Variants in DIP2B observed in about 807,000 individuals in gnomAD.
The protein encoded by DIP2B is disco-interacting protein 2 homolog B.
DIP2B carries 76 observed loss-of-function variants against 198.0 expected under a neutral mutation model. That is an observed-to-expected ratio of 0.38 (90% CI 0.32 to 0.46). The LOEUF is 0.46. Ranked by LOEUF, DIP2B falls within the 20% of genes least tolerant of loss-of-function variation. The pLI is 0.99. For missense variants in DIP2B, 1,559 were observed against 1,978.4 expected (o/e 0.79, Z 4.02); for synonymous variants, 701 against 739.1 (o/e 0.95, Z 0.84).
At chr12:50,629,944 T>A (rs1235762139) in intron 2 of DIP2B, among the ~76,000 whole-genome samples, 2 of 147,354 alleles carry the variant, frequency 1.4e-5, no homozygotes, top group Non-Finnish European at 3.0e-5. Context: ...TTTGGTAAAT[T>A]TAATTTTTTT....
At chr12:50,610,239 T>C (rs1405601098) in intron 1 of DIP2B, among the ~76,000 whole-genome samples, 1 of 152,228 alleles carries the variant, frequency 6.6e-6, no homozygotes, top group Non-Finnish European at 1.5e-5. Flanking sequence ...TGTGTGGTGA[T>C]ATTTGTTTGG....
At chr12:50,551,910 C>A (rs1448251050) in intron 1 of DIP2B, among the ~76,000 whole-genome samples, 1 of 152,138 alleles carries the variant, frequency 6.6e-6, no homozygotes, top group Non-Finnish European at 1.5e-5. Flanking sequence ...CCTTTCAGTT[C>A]TTTTGGATGT....
At chr12:50,521,094 GTTTTTTTTTTTT>G (rs386376482) in intron 1 of DIP2B, among the ~76,000 whole-genome samples, 2 of 94,332 alleles carry the variant, frequency 2.1e-5, no homozygotes, top group Admixed American at 1.4e-4. Context: ...TTCAGCAACA[GTTTTTTTTTTTT>G]TTTTTTTTTT....
At chr12:50,519,210 G>A (rs189568648) in intron 1 of DIP2B, among the ~76,000 whole-genome samples, 2 of 152,108 alleles carry the variant, frequency 1.3e-5, no homozygotes, top group East Asian at 3.9e-4. Context: ...ATATTTGGAG[G>A]GTTTCCTTCA....
chr12:50,532,637 GT>G (rs1958228743), intron 1 of DIP2B, among the ~76,000 whole-genome samples: 1 of 152,182 alleles, frequency 6.6e-6, no homozygotes, highest in Non-Finnish European at 1.5e-5. Context: ...AGTCACTGTG[GT>G]CAGTGACATG....
chr12:50,639,184 G>A lies in DIP2B; in HGVS notation c.173-1540G>A, dbSNP rs567613167. 7.9e-5 allele frequency among the ~76,000 whole-genome samples: 12 copies of A among 151,602 alleles called. No individual in the cohort carries two copies. In the South Asian group the frequency reaches 1.5e-3, roughly 18 times the overall value. ...GGCTCACTGCAACCTCTGCCTCCAG[G>A]TTCAAGTGATTCTCCTGCCTCAGCC... is the stretch of plus-strand genomic sequence containing the variant. On this transcript the variant is annotated intron_variant, in intron 2 of 37. Transcript: ENST00000301180.
intron 30 of DIP2B, among the ~76,000 whole-genome samples, chr12:50,730,551 T>TA (rs954708991): frequency 3.3e-5 from 5 of 151,942 alleles, no homozygotes; most frequent in Admixed American, 3.3e-4. Context: ...GGCTAATTGT[T>TA]AAAAAAATTT....
intron 3 of DIP2B, among the ~76,000 whole-genome samples, chr12:50,647,038 G>A (rs921881059): frequency 1.6e-5 from 2 of 128,210 alleles, no homozygotes; most frequent in Non-Finnish European, 3.2e-5. Flanking sequence ...TGTTTTTCTT[G>A]TTTGTCTTTT....
At chr12:50,669,052 A>AT (rs924867833) in intron 4 of DIP2B, among the ~76,000 whole-genome samples, 5 of 150,446 alleles carry the variant, frequency 3.3e-5, no homozygotes, top group Non-Finnish European at 5.9e-5. Context: ...CATTTTTTTC[A>AT]TTTTTTTGCC....
At chr12:50,523,301 A>G (rs544511880) in intron 1 of DIP2B, among the ~76,000 whole-genome samples, 2 of 152,270 alleles carry the variant, frequency 1.3e-5, no homozygotes, top group Admixed American at 6.5e-5. Context: ...TGAAAATACT[A>G]TGTCAATAGT....
At chr12:50,624,394 G>T (rs965912733) in intron 1 of DIP2B, among the ~76,000 whole-genome samples, 1 of 152,022 alleles carries the variant, frequency 6.6e-6, no homozygotes, top group Non-Finnish European at 1.5e-5. Flanking sequence ...GTGCAGTGGC[G>T]CGATCTCGGC....
In DIP2B at chr12:50,640,824, G is replaced by A; in HGVS notation, c.273G>A (p.Gly91=). 1 of 1,613,916 alleles carries A rather than the reference G, an allele frequency of 6.2e-7. No individual in the cohort carries two copies. Residue 91 remains glycine (G), a synonymous_variant, in exon 3 of 38, where the codon GGG becomes GGA. Coordinates refer to ENST00000301180, the MANE Select transcript of DIP2B (RefSeq NM_173602.3). ...CTAAGTACCACCGAACTCGATCTGG[G>A]GGAGCCAGGGATGAACGATATCGAT... The part of the protein sequence containing the change: ...APSKYHRTRS[G]GARDERYRSD...
chr12:50,682,624 G>A (rs1393917126), intron 9 of DIP2B, among the ~76,000 whole-genome samples: 18 of 87,340 alleles, frequency 2.1e-4, no homozygotes, highest in Admixed American at 3.6e-4. Context: ...GCGAGACTCT[G>A]TCTCAAAAAA....
At chr12:50,529,716 G>C (rs113835840) in intron 1 of DIP2B, among the ~76,000 whole-genome samples, 1 of 151,898 alleles carries the variant, frequency 6.6e-6, no homozygotes, top group Non-Finnish European at 1.5e-5. Flanking sequence ...AAAAGTAGCC[G>C]GGTGTGGTGG....
At chr12:50,737,472 C>T (rs1308472218) in intron 35 of DIP2B, among the ~76,000 whole-genome samples, 1 of 152,016 alleles carries the variant, frequency 6.6e-6, no homozygotes, top group African/African-American at 2.4e-5. Context: ...AAAATGTATC[C>T]ATGTTTGCAT....
chr12:50,731,867 T>C (rs896204214), intron 31 of DIP2B, among the ~76,000 whole-genome samples: 3 of 152,182 alleles, frequency 2.0e-5, no homozygotes, highest in African/African-American at 7.2e-5. Context: ...AACCTCAAAA[T>C]ATTAGGAATT....
Position 50,714,564 on chromosome 12 carries a change from C to T in DIP2B, c.2819C>T (p.Thr940Ile), listed in dbSNP as rs1339254673. ...NILMCPHTCV[T>I]NLPKPRQKQP... ...CTCATGTGCCCCCATACATGTGTGA[C>T]AAACTTGCCAAAGCCCCGGCAAAAA... Residue 940 changes from threonine to isoleucine, a missense_variant, in exon 23 of 38, where the codon ACA (threonine) becomes ATA (isoleucine). Thr to Ile is a moderately conservative substitution (Grantham distance 89). Transcript: ENST00000301180. The T allele has an allele frequency of 6.2e-7, 1 of 1,614,092 alleles. No individual in the cohort carries two copies. Among genetic ancestry groups the T allele is most frequent in the Non-Finnish European group, 8.5e-7 (1 of 1,179,982 alleles).
At chr12:50,623,228 T>G (rs1346920490) in intron 1 of DIP2B, among the ~76,000 whole-genome samples, 1 of 151,106 alleles carries the variant, frequency 6.6e-6, no homozygotes, top group Non-Finnish European at 1.5e-5. Flanking sequence ...GAGAAAAAAT[T>G]TAAAAACTAG....
In DIP2B at chr12:50,708,561, A is replaced by C. The variant is rs1429624214; in HGVS notation, c.2648A>C (p.Gln883Pro). The C allele has an allele frequency of 1.9e-6, 3 of 1,583,266 alleles. No homozygotes were observed. The highest frequency in any genetic ancestry group is 2.6e-6 in the Non-Finnish European group (3 of 1,162,942). Residue 883 changes from glutamine to proline, a missense_variant and splice_region_variant, in exon 22 of 38, where the codon CAG (glutamine) becomes CCG (proline). Physicochemically the swap from Gln to Pro is moderately conservative, Grantham distance 76. Coordinates refer to ENST00000301180, the MANE Select transcript of DIP2B (RefSeq NM_173602.3). The stretch of plus-strand genomic sequence containing the variant: ...TTCCAGTGGATGAGCCGCGTGCTGC[A>C]GGTGAGCACACTTTGGGGTCTGTGT... The part of the protein sequence containing the change: ...DSFQWMSRVL[Q>P]AIDSIHQVGV...
Sources: gnomAD v4.1 joint callset for allele counts (sites outside exome capture counted in the v4.1 genomes callset) on GRCh38, gnomAD v4.1.1 for gene constraint, MANE v1.5 for transcripts, NCBI Gene and HGNC (gene_info 2026-07-23, HGNC 2026-07-21) for gene names.